Variants in SHANK2 observed in about 807,000 individuals in gnomAD.
SHANK2 encodes the protein SH3 and multiple ankyrin repeat domains protein 2.
SHANK2 carries 43 observed loss-of-function variants against 133.7 expected under a neutral mutation model. That is an observed-to-expected ratio of 0.32 (90% confidence interval 0.25 to 0.41). The LOEUF (loss-of-function observed/expected upper bound fraction) is 0.41. Among genes scored for constraint, SHANK2 ranks in the 10% least tolerant of loss-of-function variants. SHANK2 has a pLI of 1.00. For synonymous variants in SHANK2, 1,017 were observed against 952.8 expected, an observed-to-expected ratio of 1.07 and a Z score of -1.24; for missense variants, 1,994 against 2,235.8, an observed-to-expected ratio of 0.89 and a Z score of 2.18.
At chr11:70,921,617 C>A (rs1184053893) in intron 10 of SHANK2, among the ~76,000 whole-genome samples, 1 of 152,146 alleles carries the variant, frequency 6.6e-6, no homozygotes, top group East Asian at 1.9e-4. Flanking sequence ...CAGGGCCCAC[C>A]CAGGAGAGAA....
At chr11:71,136,944 C>T (rs11232210) in intron 3 of SHANK2, among the ~76,000 whole-genome samples, 14,878 of 152,190 alleles carry the variant, frequency 0.098, 1,816 homozygotes, top group African/African-American at 0.29. Context: ...CTCACTGCAA[C>T]CTCCACCTCG....
At chr11:70,620,721 C>T (rs1554997425) in intron 17 of SHANK2, among the ~76,000 whole-genome samples, 1 of 152,184 alleles carries the variant, frequency 6.6e-6, no homozygotes, top group Admixed American at 6.5e-5. Context: ...AAGGGTGGGG[C>T]CCTGATCCAA....
chr11:70,717,984 C>T (rs980120881), intron 14 of SHANK2, among the ~76,000 whole-genome samples: 3 of 152,196 alleles, frequency 2.0e-5, no homozygotes, highest in Admixed American at 1.3e-4. Context: ...TTCTTTGACA[C>T]AAGTTGTAAG....
intron 17 of SHANK2, among the ~76,000 whole-genome samples, chr11:70,647,777 C>T (rs1400098308): frequency 6.6e-6 from 1 of 152,214 alleles, no homozygotes; most frequent in East Asian, 1.9e-4. Context: ...TGCGGTCCTT[C>T]TGCCCAGGCA....
intron 17 of SHANK2, among the ~76,000 whole-genome samples, chr11:70,601,370 C>A (rs2060494945): frequency 6.6e-6 from 1 of 152,180 alleles, no homozygotes; most frequent in South Asian, 2.1e-4. Flanking sequence ...CAGGCGCATG[C>A]CACCACACCC....
At chr11:70,779,892 C>A (rs1458468716) in intron 14 of SHANK2, among the ~76,000 whole-genome samples, 3 of 152,308 alleles carry the variant, frequency 2.0e-5, no homozygotes, top group Non-Finnish European at 4.4e-5. Flanking sequence ...GGTGCCCCCA[C>A]CCCCTAGCCA....
At chr11:70,705,802 C>A (rs1442323952) in intron 14 of SHANK2, 1 of 152,316 alleles carries the variant, frequency 6.6e-6, no homozygotes, top group African/African-American at 2.4e-5. Context: ...GCAGTTACTA[C>A]CACTCTAGTC....
intron 21 of SHANK2, chr11:70,496,956 C>T (rs781994980): frequency 2.2e-6 from 1 of 456,688 alleles, no homozygotes; most frequent in South Asian, 1.5e-5. Context: ...CTGTGGCCAC[C>T]TTGCCTGTGG....
intron 17 of SHANK2, among the ~76,000 whole-genome samples, chr11:70,562,228 T>A (rs1422311114): frequency 2.0e-5 from 3 of 152,256 alleles, no homozygotes; most frequent in Non-Finnish European, 4.4e-5. Context: ...TGGTTTATCT[T>A]AATAACCCTT....
intron 3 of SHANK2, among the ~76,000 whole-genome samples, chr11:71,126,848 CA>C (rs1277225649): frequency 6.6e-6 from 1 of 151,486 alleles, no homozygotes; most frequent in African/African-American, 2.4e-5. Flanking sequence ...GCTGGGACTA[CA>C]GGTGCCCACC....
intron 3 of SHANK2, among the ~76,000 whole-genome samples, chr11:71,131,882 A>T (rs1194325339): frequency 6.6e-6 from 1 of 152,040 alleles, no homozygotes. Context: ...CCGCATTAGC[A>T]CCCCCAGGCC....
chr11:71,142,184 CACA>C (rs1356717081), intron 3 of SHANK2, among the ~76,000 whole-genome samples: 2 of 152,124 alleles, frequency 1.3e-5, no homozygotes, highest in Admixed American at 6.6e-5. Flanking sequence ...TAACTGAGAA[CACA>C]ACAATTAAAA....
chr11:71,239,533 C>T (rs1269771893), intron 1 of SHANK2, among the ~76,000 whole-genome samples: 1 of 152,166 alleles, frequency 6.6e-6, no homozygotes, highest in Non-Finnish European at 1.5e-5. Context: ...CATCTCAGCT[C>T]ACAGCAGCCT....
intron 25 of SHANK2, among the ~76,000 whole-genome samples, chr11:70,478,155 T>A (rs560505374): frequency 6.6e-6 from 1 of 151,956 alleles, no homozygotes; most frequent in East Asian, 1.9e-4. Flanking sequence ...GTGGCTTTTT[T>A]ACTGTTTACA....
At chr11:70,772,761 T>C (rs1299730477) in intron 14 of SHANK2, among the ~76,000 whole-genome samples, 4 of 152,224 alleles carry the variant, frequency 2.6e-5, no homozygotes, top group East Asian at 1.9e-4. Context: ...GTATATGTCC[T>C]AGGGACTCCA....
chr11:70,776,070 G>A (rs1166737505), intron 14 of SHANK2, among the ~76,000 whole-genome samples: 1 of 152,228 alleles, frequency 6.6e-6, no homozygotes, highest in East Asian at 1.9e-4. Context: ...CCCAGACTTG[G>A]TGTCCCAGTG....
At chr11:70,573,425 GCA>G (rs1218426476) in intron 17 of SHANK2, among the ~76,000 whole-genome samples, 1 of 151,068 alleles carries the variant, frequency 6.6e-6, no homozygotes, top group Non-Finnish European at 1.5e-5. Flanking sequence ...TTATAGAATT[GCA>G]CACTTTAAAT....
chr11:70,578,188 C>A (rs945683621), intron 17 of SHANK2, among the ~76,000 whole-genome samples: 1 of 152,316 alleles, frequency 6.6e-6, no homozygotes, highest in Admixed American at 6.5e-5. Flanking sequence ...GACAGGGAAG[C>A]GGCCTACAGA....
At chr11:70,702,352 CCACCAT>C (rs1945551646) in intron 14 of SHANK2, among the ~76,000 whole-genome samples, 2 of 146,624 alleles carry the variant, frequency 1.4e-5, no homozygotes, top group African/African-American at 2.6e-5. Flanking sequence ...ACCATCACCA[CCACCAT>C]CACCATCATC....
Sources: gnomAD v4.1 joint callset for allele counts (sites outside exome capture counted in the v4.1 genomes callset) on GRCh38, gnomAD v4.1.1 for gene constraint, MANE v1.5 for transcripts, NCBI Gene and HGNC (gene_info 2026-07-23, HGNC 2026-07-21) for gene names.